Variants in INTS9 observed in about 807,000 individuals in gnomAD.
INTS9 encodes protein related to CPSF subunits of 74 kDa.
A neutral mutation model predicts 79.7 loss-of-function variants in INTS9; 55 were observed. The ratio of observed to expected loss-of-function variants is 0.69; its 90% confidence interval spans 0.56 to 0.86. The LOEUF (loss-of-function observed/expected upper bound fraction) is 0.86, where lower values mean the gene tolerates loss of function less well. Among genes scored for constraint, INTS9 ranks in the 40% least tolerant of loss-of-function variants. The probability of loss-of-function intolerance (pLI) is 0.00; values close to 1 mark genes in which losing one functional copy is unlikely to be tolerated. For synonymous variants in INTS9, 319 were observed against 325.2 expected, an observed-to-expected ratio of 0.98 and a Z score of 0.20; for missense variants, 721 against 831.5, an observed-to-expected ratio of 0.87 and a Z score of 1.64.
chr8:28,852,309 TTA>T (rs1435570300), intron 2 of INTS9, among the ~76,000 whole-genome samples: 4 of 142,292 alleles, frequency 2.8e-5, no homozygotes, highest in Non-Finnish European at 4.7e-5. Context: ...TTTTTTTTTT[TTA>T]AACTCTGGGA....
At chr8:28,844,509 C>T (rs1244177509) in intron 4 of INTS9, among the ~76,000 whole-genome samples, 1 of 151,936 alleles carries the variant, frequency 6.6e-6, no homozygotes. Context: ...CACTGCACTC[C>T]AGCCTGTGAA....
chr8:28,882,356 C>A, intron 1 of INTS9, among the ~76,000 whole-genome samples: 1 of 142,206 alleles, frequency 7.0e-6, no homozygotes, highest in Non-Finnish European at 1.6e-5. Flanking sequence ...CCTAGGAAAA[C>A]CAGAGACCTT....
chr8:28,875,723 G>A (rs1368047023), intron 1 of INTS9, among the ~76,000 whole-genome samples: 2 of 152,084 alleles, frequency 1.3e-5, no homozygotes, highest in African/African-American at 2.4e-5. Flanking sequence ...TGTATCAGGG[G>A]CTATCACCAA....
At chr8:28,859,757 A>G in intron 1 of INTS9, 194 bp from the exon 2 acceptor site, 1 of 671,688 alleles carries the variant, frequency 1.5e-6, no homozygotes, top group South Asian at 1.5e-5. Context: ...CAAAATTCTC[A>G]GATCACACCC....
Position 28,838,245 on chromosome 8 carries a change from C to T in INTS9, c.262-469G>A, listed in dbSNP as rs1015647678. ...CCAGATGGAGAGACAACTTGTTTTG[C>T]TTTTTTTTTTCTTTTGAGGTAACTT... On this transcript the variant is annotated intron_variant, in intron 4 of 16. Coordinates refer to ENST00000521022, the MANE Select transcript of INTS9 (RefSeq NM_018250.4). 2.0e-5 allele frequency among the ~76,000 whole-genome samples: 3 copies of T among 148,572 alleles called. No homozygotes were observed. The East Asian group carries it at 5.9e-4, about 29-fold the overall frequency.
intron 3 of INTS9, among the ~76,000 whole-genome samples, chr8:28,848,640 A>C (rs1046550935): frequency 6.6e-6 from 1 of 152,218 alleles, no homozygotes; most frequent in African/African-American, 2.4e-5. Flanking sequence ...ATTAAAGACA[A>C]ATCATGGGAA....
At chr8:28,825,038 G>A (rs541929195) in intron 6 of INTS9, among the ~76,000 whole-genome samples, 23 of 152,308 alleles carry the variant, frequency 1.5e-4, no homozygotes, top group African/African-American at 5.5e-4. Context: ...CTCCACCCCA[G>A]GGTGATTGAC....
At chr8:28,809,105 G>A (rs1435265837) in intron 8 of INTS9, among the ~76,000 whole-genome samples, 1 of 151,828 alleles carries the variant, frequency 6.6e-6, no homozygotes, top group South Asian at 2.1e-4. Flanking sequence ...GCATGCCACC[G>A]CACCTGGCTT....
chr8:28,781,023 A>T (rs1225370966), intron 11 of INTS9, 29 bp from the exon 12 acceptor site: 12 of 1,586,794 alleles, frequency 7.6e-6, no homozygotes, highest in Non-Finnish European at 1.0e-5. Flanking sequence ...ATACAAAGAA[A>T]TGTGAGCCTG....
intron 4 of INTS9, among the ~76,000 whole-genome samples, chr8:28,843,045 C>T (rs192934990): frequency 1.1e-4 from 16 of 152,254 alleles, no homozygotes; most frequent in African/African-American, 3.4e-4. Context: ...AGTGCATTGT[C>T]CAATACTGAA....
intron 1 of INTS9, among the ~76,000 whole-genome samples, chr8:28,863,221 C>T (rs1808551265): frequency 6.6e-6 from 1 of 152,094 alleles, no homozygotes; most frequent in African/African-American, 2.4e-5. Flanking sequence ...CTGGTCTGCT[C>T]TTCAGGAAGA....
At chr8:28,832,781 G>T (rs1394221945) in intron 6 of INTS9, among the ~76,000 whole-genome samples, 1 of 150,780 alleles carries the variant, frequency 6.6e-6, no homozygotes, top group Non-Finnish European at 1.5e-5. Context: ...GGCCAATATG[G>T]TGAAACCCCA....
At chr8:28,802,875 T>G (rs1029832163) in intron 8 of INTS9, among the ~76,000 whole-genome samples, 7 of 150,192 alleles carry the variant, frequency 4.7e-5, no homozygotes, top group African/African-American at 1.7e-4. Flanking sequence ...TTTGGGAGGC[T>G]GAGATGGGTG....
At chr8:28,782,691 G>A (rs1348771094) in intron 11 of INTS9, among the ~76,000 whole-genome samples, 1 of 152,188 alleles carries the variant, frequency 6.6e-6, no homozygotes, top group Non-Finnish European at 1.5e-5. Flanking sequence ...AAAGACAAGA[G>A]GATTGCTTGA....
At position 28,849,978 on chromosome 8, in the gene INTS9, C is replaced by T. The variant is rs1264622375; in HGVS notation, c.198+235G>A. 2.9e-5 allele frequency: 11 copies of T among 379,306 alleles called. No homozygotes were observed. The Admixed American group carries it at 3.5e-4, about 12-fold the overall frequency. The allele number at this position is 379,306 out of a possible 1,614,324, so 23.5% of individuals were successfully genotyped here. A position where few individuals can be genotyped will look rare whatever the true frequency, so the allele number is the denominator to read the frequency against. ...ATAAAAGGTATTTGCAGCAGAAGTA[C>T]TTAGATTTCTACACATGAGCAAAAT... On this transcript the variant is annotated intron_variant, in intron 3 of 16. Transcript: ENST00000521022.
chr8:28,795,896 A>G (rs1412895946), intron 9 of INTS9, among the ~76,000 whole-genome samples: 2 of 152,230 alleles, frequency 1.3e-5, no homozygotes, highest in Non-Finnish European at 2.9e-5. Flanking sequence ...AGATTTAGTG[A>G]CAGTTATATC....
intron 2 of INTS9, among the ~76,000 whole-genome samples, chr8:28,853,323 G>C (rs1585477567): frequency 6.6e-6 from 1 of 151,440 alleles, no homozygotes; most frequent in Non-Finnish European, 1.5e-5. Context: ...CGAGGCAAGA[G>C]AATCACTTGA....
intron 1 of INTS9, among the ~76,000 whole-genome samples, chr8:28,888,322 T>A (rs893759257): frequency 5.9e-5 from 9 of 152,108 alleles, no homozygotes; most frequent in African/African-American, 2.2e-4. Context: ...AAGGTTGAGG[T>A]GGGCAGATAC....
chr8:28,877,833 T>C (rs1230494938), intron 1 of INTS9, among the ~76,000 whole-genome samples: 1 of 152,124 alleles, frequency 6.6e-6, no homozygotes, highest in East Asian at 1.9e-4. Context: ...TTTAAAATAG[T>C]TGGGGGAGGG....
Sources: allele counts gnomAD v4.1 joint callset (sites outside exome capture counted in the v4.1 genomes callset), GRCh38; gene constraint gnomAD v4.1.1; transcripts MANE v1.5; gene names NCBI Gene and HGNC (gene_info 2026-07-23, HGNC 2026-07-21).